MLLT3: variants seen among roughly 807,000 people sequenced by gnomAD.
MLLT3 encodes protein AF-9.
MLLT3 carries 4 observed loss-of-function variants against 53.2 expected under a neutral mutation model. The observed-to-expected ratio is 0.08, with a 90% CI of 0.04 to 0.17. MLLT3 has a LOEUF of 0.17. Among genes scored for constraint, MLLT3 ranks in the 10% least tolerant of loss-of-function variants. The pLI is 1.00. For missense variants in MLLT3, 569 were observed against 684.0 expected, an observed-to-expected ratio of 0.83 and a Z score of 1.87; for synonymous variants, 283 against 230.6, an observed-to-expected ratio of 1.23 and a Z score of -2.06.
intron 2 of MLLT3, among the ~76,000 whole-genome samples, chr9:20,479,808 T>G (rs1468114640): frequency 6.6e-6 from 1 of 152,200 alleles, no homozygotes; most frequent in Non-Finnish European, 1.5e-5. Context: ...ATAACCAAAT[T>G]TGGATAAAGA....
chr9:20,620,631 A>G lies in MLLT3; in HGVS notation c.193+23T>C. The G allele has an allele frequency of 6.2e-7, 1 of 1,605,376 alleles. No homozygotes were observed. Among genetic ancestry groups the G allele is most frequent in the Non-Finnish European group, 8.5e-7 (1 of 1,174,108 alleles). On this transcript the variant is annotated intron_variant, in intron 2 of 10. Transcript: ENST00000380338. This position sits in a 1 kb window ranked among gnomAD's most constrained non-coding sequence, Gnocchi z 6.1. ...TGTTTCAAAGACATTTTTTATCAAG[A>G]CCCTTTTGTATTCGAGCCCTACCTC... is the stretch of plus-strand genomic sequence containing the variant.
At position 20,550,419 on chromosome 9, in the gene MLLT3, C is replaced by CTGTG. The variant is rs60452994; in HGVS notation, c.193+70231_193+70234dup. Among the ~76,000 whole-genome samples the CTGTG allele has an allele frequency of 3.3e-5, 5 of 151,942 alleles. No homozygotes were observed. The South Asian group carries it at 1.0e-3, about 32-fold the overall frequency. ...TTCTTCCTTGGTGCCATTCGTTTCA[C>CTGTG]TGTGTGTGTGTGTTGTTGTTTTTTA... On this transcript the variant is annotated intron_variant, in intron 2 of 10. Transcript: ENST00000380338.
chr9:20,573,849 A>T (rs1819590919), intron 2 of MLLT3, among the ~76,000 whole-genome samples: 1 of 152,102 alleles, frequency 6.6e-6, no homozygotes, highest in Non-Finnish European at 1.5e-5. Flanking sequence ...AAAACTATAA[A>T]TTTTTCCATC....
In MLLT3 at chr9:20,615,762, G is replaced by A. The variant is rs566525443; in HGVS notation, c.193+4892C>T. ...GTGCCTTTTTCCTTCCCATTCTCTC[G>A]TGAGTGTGTAGCAGAGTTTTCCAGA... On this transcript the variant is annotated intron_variant, in intron 2 of 10. Transcript: ENST00000380338. 3.8e-4 allele frequency among the ~76,000 whole-genome samples: 58 copies of A among 150,688 alleles called. No homozygotes were observed. In the South Asian group the frequency reaches 7.4e-3, roughly 19 times the overall value.
intron 2 of MLLT3, among the ~76,000 whole-genome samples, chr9:20,497,768 A>G (rs192001979): frequency 3.3e-5 from 5 of 152,272 alleles, no homozygotes; most frequent in East Asian, 3.9e-4. Context: ...ATGAACTTGT[A>G]TAAGTGTGTA....
Position 20,413,738 on chromosome 9 carries a change from T to G in MLLT3, c.1108A>C (p.Ile370Leu). The G allele has an allele frequency of 6.2e-7, 1 of 1,603,458 alleles. No individual in the cohort carries two copies. The highest frequency in any genetic ancestry group is 8.5e-7 in the Non-Finnish European group (1 of 1,175,826). ...DPNDSDVEEN[I>L]SSKSDSEQPS... ...CTACTCACATCAGATTTAGAGGATATATTCTCCTCCACATCTGAATCATTG... is the reference window on the plus strand; with the variant it reads ...CTACTCACATCAGATTTAGAGGATAGATTCTCCTCCACATCTGAATCATTG... Residue 370 changes from isoleucine to leucine, a missense_variant, in exon 5 of 11, where the codon ATA becomes CTA. Transcript: ENST00000380338.
chr9:20,449,476 G>A (rs1341443494), intron 3 of MLLT3, among the ~76,000 whole-genome samples: 1 of 152,166 alleles, frequency 6.6e-6, no homozygotes, highest in Admixed American at 6.6e-5. Flanking sequence ...GCCACGCAAG[G>A]TGAAAATACA....
intron 10 of MLLT3, among the ~76,000 whole-genome samples, chr9:20,352,274 A>G (rs1006585314): frequency 6.6e-6 from 1 of 152,248 alleles, no homozygotes; most frequent in African/African-American, 2.4e-5. Flanking sequence ...CAGCTTGGGC[A>G]TTAATAGCTT....
At chr9:20,381,377 C>T (rs934531652) in intron 5 of MLLT3, among the ~76,000 whole-genome samples, 2 of 151,774 alleles carry the variant, frequency 1.3e-5, no homozygotes, top group Non-Finnish European at 2.9e-5. Context: ...GCACGCTTTC[C>T]GATATTCCAA....
At chr9:20,442,306 T>C (rs960630006) in intron 4 of MLLT3, among the ~76,000 whole-genome samples, 4 of 152,144 alleles carry the variant, frequency 2.6e-5, no homozygotes, top group East Asian at 1.9e-4. Flanking sequence ...AGGAAATGTG[T>C]AGATGTCTAC....
intron 2 of MLLT3, among the ~76,000 whole-genome samples, chr9:20,558,942 C>T (rs1032609743): frequency 6.6e-6 from 1 of 152,128 alleles, no homozygotes; most frequent in Non-Finnish European, 1.5e-5. Flanking sequence ...TAGTCACAGT[C>T]CTGGTGAAGG....
At position 20,360,734 on chromosome 9, in the gene MLLT3, C is replaced by T. The variant is rs201715556; in HGVS notation, c.1431+8G>A. On this transcript the variant is annotated splice_region_variant and intron_variant, in intron 8 of 10. Coordinates refer to ENST00000380338, the MANE Select transcript of MLLT3 (RefSeq NM_004529.4). ...AGAGTCTTGCAAAGTGCAAACCCCACAATTTACCTGGTTGTTGTTGGTTTT... is the reference window on the plus strand; with the variant it reads ...AGAGTCTTGCAAAGTGCAAACCCCATAATTTACCTGGTTGTTGTTGGTTTT... 6.2e-7 allele frequency: 1 copy of T among 1,611,878 alleles called. No individual in the cohort carries two copies. Among genetic ancestry groups the T allele is most frequent in the Admixed American group, 1.7e-5 (1 of 60,008 alleles).
At chr9:20,347,898 G>T (rs1200180079) in intron 10 of MLLT3, among the ~76,000 whole-genome samples, 2 of 152,176 alleles carry the variant, frequency 1.3e-5, no homozygotes, top group Non-Finnish European at 2.9e-5. Context: ...AGTAACAGCA[G>T]AACTGAAACT....
At chr9:20,531,332 C>T (rs12005817) in intron 2 of MLLT3, among the ~76,000 whole-genome samples, 4,587 of 152,054 alleles carry the variant, frequency 0.03, 210 homozygotes, top group African/African-American at 0.1. Context: ...GACAGCGTTT[C>T]ACCATGTTGT....
chr9:20,444,003 T>TA (rs1316537883), intron 4 of MLLT3, among the ~76,000 whole-genome samples: 3 of 152,196 alleles, frequency 2.0e-5, no homozygotes, highest in African/African-American at 7.2e-5. Flanking sequence ...AGTAGAATAA[T>TA]AAATTTTAGT....
At chr9:20,482,298 A>G (rs528040052) in intron 2 of MLLT3, among the ~76,000 whole-genome samples, 1 of 152,352 alleles carries the variant, frequency 6.6e-6, no homozygotes, top group African/African-American at 2.4e-5. Context: ...TTTAATCCTT[A>G]CAACAAAATG....
rs374510896 is a variant in MLLT3 at position 20,560,402 on chromosome 9, T to C, written c.193+60252A>G. On this transcript the variant is annotated intron_variant, in intron 2 of 10. Coordinates refer to ENST00000380338, the MANE Select transcript of MLLT3 (RefSeq NM_004529.4). ...TATCTTACATACTAAATAAGCATGA[T>C]TTATACCAACTATACTGTCATTCAT... 1.8e-3 allele frequency among the ~76,000 whole-genome samples: 271 copies of C among 152,286 alleles called. 2 individuals are homozygous for C. In the South Asian group the frequency reaches 0.023, roughly 13 times the overall value.
chr9:20,603,336 C>T (rs1820482431), intron 2 of MLLT3, among the ~76,000 whole-genome samples: 1 of 152,058 alleles, frequency 6.6e-6, no homozygotes, highest in African/African-American at 2.4e-5. Context: ...AAGAACACCA[C>T]TTTTACCTCT....
At chr9:20,440,292 T>C (rs566463983) in intron 4 of MLLT3, among the ~76,000 whole-genome samples, 1 of 152,274 alleles carries the variant, frequency 6.6e-6, no homozygotes, top group East Asian at 1.9e-4. Context: ...CCTGTGGTAA[T>C]GAAGGTTTTT....
Sources: gnomAD v4.1 joint callset for allele counts (sites outside exome capture counted in the v4.1 genomes callset) on GRCh38, gnomAD v4.1.1 for gene constraint, Gnocchi (gnomAD v3.1) non-coding constraint, MANE v1.5 for transcripts, NCBI Gene and HGNC (gene_info 2026-07-23, HGNC 2026-07-21) for gene names.